CHRNA5: variants seen among roughly 807,000 people sequenced by gnomAD.
The protein encoded by CHRNA5 is neuronal acetylcholine receptor subunit alpha-5.
CHRNA5 carries 28 observed loss-of-function variants against 41.2 expected under a neutral mutation model. The observed-to-expected ratio is 0.68, with a 90% CI of 0.50 to 0.93. CHRNA5 has a LOEUF of 0.93. Ranked by LOEUF, CHRNA5 falls within the 40% of genes least tolerant of loss-of-function variation. CHRNA5 has a pLI of 0.00. For missense variants in CHRNA5, 481 were observed against 581.9 expected, an observed-to-expected ratio of 0.83 and a Z score of 1.78; for synonymous variants, 188 against 205.8, an observed-to-expected ratio of 0.91 and a Z score of 0.74.
intron 1 of CHRNA5, among the ~76,000 whole-genome samples, chr15:78,572,414 CT>C (rs1275736435): frequency 6.6e-6 from 1 of 152,158 alleles, no homozygotes; most frequent in Non-Finnish European, 1.5e-5. Flanking sequence ...CACTTTGCAG[CT>C]TGTGAAGGAA....
At chr15:78,573,372 G>T (rs2141401042) in intron 1 of CHRNA5, among the ~76,000 whole-genome samples, 1 of 152,324 alleles carries the variant, frequency 6.6e-6, no homozygotes, top group South Asian at 2.1e-4. Flanking sequence ...GGTGTACTTT[G>T]CATAGCCATA....
chr15:78,593,780 C>G (rs938958872), exon 6 of CHRNA5: 15 of 152,170 alleles, frequency 9.9e-5, no homozygotes, highest in Admixed American at 9.2e-4. Context: ...GTGGCTCACA[C>G]CTGTAATCCC....
chr15:78,588,948 C>T lies in CHRNA5; in HGVS notation c.413+525C>T, dbSNP rs2052985734. ...GTACCAGTTTTATTTTTTTCTAAGA[C>T]CACTCCTGGGCAAATCTGGGAATTT... On this transcript the variant is annotated intron_variant, in intron 4 of 5. Coordinates refer to ENST00000299565, the Ensembl canonical transcript of CHRNA5. The surrounding 1 kb of genome is among the most constrained non-coding windows in gnomAD (Gnocchi z 4.1). Among the ~76,000 whole-genome samples, 1 of 151,278 alleles carries T rather than the reference C, an allele frequency of 6.6e-6. No individual in the cohort carries two copies. The highest frequency in any genetic ancestry group is 2.1e-4 in the South Asian group (1 of 4,794).
At chr15:78,584,256 C>G (rs1266345167) in intron 2 of CHRNA5, among the ~76,000 whole-genome samples, 1 of 152,134 alleles carries the variant, frequency 6.6e-6, no homozygotes, top group Non-Finnish European at 1.5e-5. Flanking sequence ...TTATTTCCCA[C>G]ATATTCTGTC....
chr15:78,578,566 A>G (rs540517731), intron 1 of CHRNA5, among the ~76,000 whole-genome samples: 1 of 152,234 alleles, frequency 6.6e-6, no homozygotes, highest in Non-Finnish European at 1.5e-5. Flanking sequence ...TCAGGGAAGC[A>G]GGACACAAAC....
At chr15:78,567,015 G>C (rs1390318912) in intron 1 of CHRNA5, among the ~76,000 whole-genome samples, 2 of 152,118 alleles carry the variant, frequency 1.3e-5, no homozygotes, top group Admixed American at 6.5e-5. Flanking sequence ...CACTTTGGGA[G>C]GCCGAGGCGG....
intron 2 of CHRNA5, among the ~76,000 whole-genome samples, chr15:78,586,224 A>G (rs1260939410): frequency 6.6e-6 from 1 of 152,184 alleles, no homozygotes; most frequent in East Asian, 1.9e-4. Flanking sequence ...TAAGAAGCAC[A>G]CTTTTCCGCA....
intron 1 of CHRNA5, among the ~76,000 whole-genome samples, chr15:78,572,539 A>G (rs1448703801): frequency 6.6e-6 from 1 of 152,110 alleles, no homozygotes; most frequent in Admixed American, 6.5e-5. Flanking sequence ...GCTGGAGTTC[A>G]GTGGCGTGAT....
intron 1 of CHRNA5, among the ~76,000 whole-genome samples, chr15:78,580,531 G>C (rs941667371): frequency 2.0e-5 from 3 of 152,068 alleles, no homozygotes; most frequent in African/African-American, 7.2e-5. Context: ...ATCTGAACCA[G>C]AGTGTCCCTT....
chr15:78,585,145 T>G (rs1244227415), intron 2 of CHRNA5, among the ~76,000 whole-genome samples: 1 of 152,214 alleles, frequency 6.6e-6, no homozygotes, highest in Non-Finnish European at 1.5e-5. Context: ...CTCGAACTCC[T>G]GACCTCGTGA....
intron 2 of CHRNA5, among the ~76,000 whole-genome samples, chr15:78,585,158 C>T (rs1350990211): frequency 6.6e-6 from 1 of 152,146 alleles, no homozygotes; most frequent in African/African-American, 2.4e-5. Flanking sequence ...CCTCGTGATC[C>T]ACCCGTCTTG....
intron 2 of CHRNA5, among the ~76,000 whole-genome samples, chr15:78,584,525 G>T (rs899539671): frequency 1.1e-4 from 17 of 152,286 alleles, no homozygotes; most frequent in Non-Finnish European, 2.2e-4. Context: ...TAAATTAGGC[G>T]GTATCCCTTA....
rs201492819 is a variant in CHRNA5 at position 78,590,117 on chromosome 15, C to G, written c.726C>G (p.Tyr242Ter). ...GTTGCTGGTATCCGTATGTCACTTACTCATTTGTAATCAAGCGCCTGCCTC... is the reference window on the plus strand; with the variant it reads ...GTTGCTGGTATCCGTATGTCACTTAGTCATTTGTAATCAAGCGCCTGCCTC... Residue 242 changes from tyrosine to a stop codon, truncating the protein, a stop_gained, in exon 5 of 6, where the codon TAC (tyrosine) becomes TAG (stop). Transcript: ENST00000299565. LOFTEE classifies it high-confidence loss of function. The G allele has an allele frequency of 6.2e-7, 1 of 1,614,064 alleles. No homozygotes were observed. The highest frequency in any genetic ancestry group is 8.5e-7 in the Non-Finnish European group (1 of 1,180,042).
exon 6 of CHRNA5, chr15:78,593,156 T>C (rs763412847): frequency 1.2e-6 from 2 of 1,613,956 alleles, no homozygotes; most frequent in African/African-American, 1.3e-5. Flanking sequence ...ACTTTTCTTT[T>C]CGTTTCAATT....
At chr15:78,587,973 A>G (rs2052976634) in intron 3 of CHRNA5, among the ~76,000 whole-genome samples, 1 of 152,214 alleles carries the variant, frequency 6.6e-6, no homozygotes, top group Non-Finnish European at 1.5e-5. Flanking sequence ...GTGACAATAC[A>G]TCTGGAAAAA....
rs1015795596 is a variant in CHRNA5 at position 78,595,252 on chromosome 15, T to C, written c.*1999T>C. 7.2e-6 allele frequency: 7 copies of C among 976,200 alleles called. No individual in the cohort carries two copies. The African/African-American group carries it at 1.2e-4, about 17-fold the overall frequency. The allele number at this position is 976,200 out of a possible 1,614,324, so 60.5% of individuals were successfully genotyped here. On this transcript the variant is annotated 3_prime_UTR_variant, in exon 6 of 6. Transcript: ENST00000299565. ...ATTACTGTTACTTATGATTTTTATA[T>C]ATAAATTTTTATCGACATCTTTCTT...
chr15:78,586,347 T>C (rs1258007070), intron 2 of CHRNA5, among the ~76,000 whole-genome samples: 3 of 152,260 alleles, frequency 2.0e-5, no homozygotes, highest in Non-Finnish European at 4.4e-5. Flanking sequence ...ACTATGCTTA[T>C]ATCTTAGACT....
exon 6 of CHRNA5, chr15:78,593,128 G>C: frequency 6.2e-7 from 1 of 1,613,190 alleles, no homozygotes; most frequent in African/African-American, 1.3e-5. Flanking sequence ...CCAGGTTCTT[G>C]ATCGGATGTT....
intron 1 of CHRNA5, among the ~76,000 whole-genome samples, chr15:78,568,788 C>T (rs552162629): frequency 6.6e-6 from 1 of 152,254 alleles, no homozygotes; most frequent in East Asian, 1.9e-4. Context: ...CAGCTTCATC[C>T]ATGTCCCTGC....
Sources: allele counts gnomAD v4.1 joint callset (sites outside exome capture counted in the v4.1 genomes callset), GRCh38; gene constraint gnomAD v4.1.1; non-coding constraint Gnocchi (gnomAD v3.1); transcripts MANE v1.5; gene names NCBI Gene and HGNC (gene_info 2026-07-23, HGNC 2026-07-21).